LIPC: variants seen among roughly 807,000 people sequenced by gnomAD.
LIPC encodes the protein hepatic triacylglycerol lipase.
LIPC carries 44 observed loss-of-function variants against 50.7 expected under a neutral mutation model. The observed-to-expected ratio is 0.87, with a 90% CI of 0.68 to 1.11. The LOEUF (loss-of-function observed/expected upper bound fraction) is 1.11. Ranked by LOEUF, LIPC falls within the 50% of genes most tolerant of loss-of-function variation. The pLI is 0.00. For missense variants in LIPC, 697 were observed against 648.2 expected (o/e 1.08, Z -0.82); for synonymous variants, 271 against 256.4 (o/e 1.06, Z -0.54).
intron 1 of LIPC, among the ~76,000 whole-genome samples, chr15:58,501,498 G>A (rs908947876): frequency 3.3e-5 from 5 of 151,860 alleles, no homozygotes; most frequent in Admixed American, 1.3e-4. Context: ...TAACATCTGC[G>A]TCAGTGAACA....
At chr15:58,515,552 A>ATATATATATATATATATATC (rs1321999770) in intron 1 of LIPC, among the ~76,000 whole-genome samples, 1 of 150,966 alleles carries the variant, frequency 6.6e-6, no homozygotes, top group African/African-American at 2.4e-5. Flanking sequence ...ATATATATAT[A>ATATATATATATATATATATC]TCTCAAAATA....
At chr15:58,504,911 G>T (rs1332107380) in intron 1 of LIPC, among the ~76,000 whole-genome samples, 1 of 152,162 alleles carries the variant, frequency 6.6e-6, no homozygotes, top group Non-Finnish European at 1.5e-5. Context: ...TAGCAAAGCA[G>T]TAATCTCCTG....
intron 1 of LIPC, among the ~76,000 whole-genome samples, chr15:58,529,256 G>C (rs2140888174): frequency 6.6e-6 from 1 of 152,342 alleles, no homozygotes; most frequent in Non-Finnish European, 1.5e-5. Context: ...GGCAAGAGCA[G>C]CTGAAGGGCC....
chr15:58,467,094 G>A (rs556840396), intron 1 of LIPC, among the ~76,000 whole-genome samples: 23 of 152,220 alleles, frequency 1.5e-4, no homozygotes, highest in African/African-American at 5.5e-4. Context: ...GATTCTGATA[G>A]TTTCTTTTGT....
chr15:58,530,768 C>T (rs1337288065), intron 1 of LIPC, among the ~76,000 whole-genome samples: 1 of 152,208 alleles, frequency 6.6e-6, no homozygotes, highest in Non-Finnish European at 1.5e-5. Context: ...CAGTTTGTAC[C>T]CTTTTAAATC....
chr15:58,497,260 G>A (rs115300221), intron 1 of LIPC, among the ~76,000 whole-genome samples: 1,918 of 152,266 alleles, frequency 0.013, 49 homozygotes, highest in African/African-American at 0.044. Flanking sequence ...CCCCGTCAGA[G>A]CAAGCTGGCA....
rs147246516 is a variant in LIPC, at chr15:58,498,163, C to A, written c.89-40170C>A. ...AAGATTGGTGTTTCTCTCAGGCGAG[C>A]TTTCCTAATTCTTCCTCTACCATCA... On this transcript the variant is annotated intron_variant, in intron 1 of 8. Coordinates refer to ENST00000299022, the MANE Select transcript of LIPC (RefSeq NM_000236.3). Among the ~76,000 whole-genome samples the A allele has an allele frequency of 2.2e-3, 333 of 152,260 alleles. 2 individuals carry two copies. The highest frequency in any genetic ancestry group is 7.4e-3 in the African/African-American group (307 of 41,546).
intron 8 of LIPC, chr15:58,565,846 T>A: frequency 2.0e-6 from 2 of 985,264 alleles, no homozygotes; most frequent in Non-Finnish European, 2.4e-6. Context: ...AGCTATAATT[T>A]TTTTTAGGTT....
intron 1 of LIPC, among the ~76,000 whole-genome samples, chr15:58,476,990 G>C (rs1891021233): frequency 6.6e-6 from 1 of 152,182 alleles, no homozygotes; most frequent in Non-Finnish European, 1.5e-5. Flanking sequence ...CTCAGAACTG[G>C]TCTTGCACCA....
intron 8 of LIPC, among the ~76,000 whole-genome samples, chr15:58,567,382 G>A (rs1283444101): frequency 7.2e-6 from 1 of 138,658 alleles, no homozygotes; most frequent in Non-Finnish European, 1.5e-5. Flanking sequence ...TATATATAGT[G>A]AACAGACAGA....
chr15:58,561,472 T>C (rs2140952504), intron 7 of LIPC, among the ~76,000 whole-genome samples: 1 of 152,306 alleles, frequency 6.6e-6, no homozygotes, highest in Middle Eastern at 3.4e-3. Flanking sequence ...GTTCTTATTA[T>C]GCAGAAGAAG....
chr15:58,457,879 G>T (rs1894191755), intron 1 of LIPC, among the ~76,000 whole-genome samples: 1 of 152,082 alleles, frequency 6.6e-6, no homozygotes. Context: ...TCTCCATCCT[G>T]CCCCTGATGC....
intron 1 of LIPC, chr15:58,436,954 T>A (rs370000659): frequency 2.3e-6 from 1 of 437,848 alleles, no homozygotes; most frequent in South Asian, 1.6e-5. Context: ...ACGGTGTTGA[T>A]AGCAACACTT....
intron 1 of LIPC, among the ~76,000 whole-genome samples, chr15:58,513,865 A>G (rs1164642725): frequency 1.3e-5 from 2 of 152,118 alleles, no homozygotes; most frequent in African/African-American, 4.8e-5. Context: ...TGGGAGGAGC[A>G]TTTCCGTTTC....
chr15:58,455,384 G>T (rs1894072973), intron 1 of LIPC, among the ~76,000 whole-genome samples: 1 of 152,134 alleles, frequency 6.6e-6, no homozygotes, highest in South Asian at 2.1e-4. Flanking sequence ...TGGTGCACCA[G>T]ATTTGTCAGG....
chr15:58,432,410 G>A (rs415208), intron 1 of LIPC: 9,889 of 434,500 alleles, frequency 0.023, 255 homozygotes, highest in African/African-American at 0.092. Context: ...GTTATTCAGC[G>A]GCAAATGATA....
chr15:58,501,360 T>TC (rs1891978831), intron 1 of LIPC, among the ~76,000 whole-genome samples: 2 of 151,826 alleles, frequency 1.3e-5, no homozygotes, highest in African/African-American at 4.8e-5. Flanking sequence ...TTTTTTTTTT[T>TC]TTTTAATGCC....
chr15:58,460,058 C>T (rs545319410), intron 1 of LIPC, among the ~76,000 whole-genome samples: 6 of 152,212 alleles, frequency 3.9e-5, no homozygotes, highest in Admixed American at 1.3e-4. Flanking sequence ...CTGCAGCTTC[C>T]AAGCCCACGG....
At chr15:58,560,736 T>A (rs1456723651) in intron 6 of LIPC, 128 bp from the exon 7 acceptor site, 13 of 630,646 alleles carry the variant, frequency 2.1e-5, no homozygotes, top group African/African-American at 2.0e-4. Flanking sequence ...AAAAAAATGT[T>A]GTTAACATAT....
Sources: allele counts gnomAD v4.1 joint callset (sites outside exome capture counted in the v4.1 genomes callset), GRCh38; gene constraint gnomAD v4.1.1; transcripts MANE v1.5; gene names NCBI Gene and HGNC (gene_info 2026-07-23, HGNC 2026-07-21).